SEL1L3: variants seen among roughly 807,000 people sequenced by gnomAD.
SEL1L3 encodes SEL1L family member 3, also known as protein sel-1 homolog 3.
In SEL1L3, 76 loss-of-function variants were observed where a neutral mutation model predicts 142.8. The observed-to-expected ratio is 0.53, with a 90% CI of 0.44 to 0.64. SEL1L3 has a LOEUF of 0.64. SEL1L3 is among the 30% of genes least tolerant of loss of function. SEL1L3 has a pLI of 0.00. For synonymous variants in SEL1L3, 504 were observed against 519.6 expected (o/e 0.97, Z 0.41); for missense variants, 1,262 against 1,381.7 (o/e 0.91, Z 1.37).
intron 12 of SEL1L3, among the ~76,000 whole-genome samples, chr4:25,789,770 G>T (rs1252518893): frequency 6.6e-6 from 1 of 152,072 alleles, no homozygotes; most frequent in African/African-American, 2.4e-5. Flanking sequence ...TGGGAAGGAG[G>T]CTTCCTCCTG....
At chr4:25,725,960 T>A in the SEL1L3 span, among the ~76,000 whole-genome samples, 2 of 152,142 alleles carry the variant, frequency 1.3e-5, no homozygotes, top group Non-Finnish European at 2.9e-5. Context: ...ATCAGCAGCG[T>A]CCTCGTGACC....
At chr4:25,749,576 C>A (rs1664312185) in intron 23 of SEL1L3, among the ~76,000 whole-genome samples, 2 of 152,188 alleles carry the variant, frequency 1.3e-5, no homozygotes, top group African/African-American at 4.8e-5. Flanking sequence ...TTTAAAGTGG[C>A]CTCTTTGTCT....
In SEL1L3 at chr4:25,830,078, A is replaced by C. The variant is rs756746366; in HGVS notation, c.1157+20T>G. The C allele has an allele frequency of 1.6e-5, 26 of 1,581,722 alleles. No individual in the cohort carries two copies. The highest frequency in any genetic ancestry group is 2.2e-5 in the Non-Finnish European group (25 of 1,151,812). ...CTCGCATGCAGGCAAATTTTGAATA[A>C]AAAGAAAAATCGCACTTACCTAATG... On this transcript the variant is annotated intron_variant, in intron 6 of 23. Transcript: ENST00000399878.
At chr4:25,829,183 G>C (rs777140022) in intron 6 of SEL1L3, among the ~76,000 whole-genome samples, 3 of 152,150 alleles carry the variant, frequency 2.0e-5, no homozygotes, top group Non-Finnish European at 4.4e-5. Flanking sequence ...ATGTTGCCCA[G>C]GCTGGTCTCA....
rs146311454 is a variant in SEL1L3 at position 25,849,909 on chromosome 4, T to C, written c.163-2045A>G. Among the ~76,000 whole-genome samples, 215 of 152,248 alleles carry C rather than the reference T, an allele frequency of 1.4e-3. 2 individuals carry two copies. The highest frequency in any genetic ancestry group is 5.0e-3 in the African/African-American group (208 of 41,546). On this transcript the variant is annotated intron_variant, in intron 1 of 23. Transcript: ENST00000399878. ...AACTGTAAACAAGCCCAAGGGTGCA[T>C]AGCACTGAGAGAGAATAATTCTAAC...
Position 25,767,535 on chromosome 4 carries a change from A to T in SEL1L3, c.2835T>A (p.Ala945=). The change falls in exon 19 of 24, where the codon GCT becomes GCA. Residue 945 remains alanine, a synonymous_variant. Coordinates refer to ENST00000399878, the MANE Select transcript of SEL1L3 (RefSeq NM_015187.5). ...YYNFSVFQID[A]PSFAYLKMGD... is the part of the protein sequence containing the mutation. ...TTTTTCTATACATACCAAAGGAAGG[A>T]GCATCGATTTGAAAAACAGAGAAAT... 6.4e-7 allele frequency: 1 copy of T among 1,573,092 alleles called. No homozygotes were observed. The highest frequency in any genetic ancestry group is 1.1e-5 in the South Asian group (1 of 87,780).
chr4:25,790,345 A>G, intron 12 of SEL1L3, 110 bp downstream of exon 12: 1 of 1,061,916 alleles, frequency 9.4e-7, no homozygotes, highest in Non-Finnish European at 1.4e-6. Flanking sequence ...TGAGTGAGAA[A>G]TAAACTGGCA....
intron 8 of SEL1L3, 125 bp downstream of exon 8, chr4:25,819,683 T>C: frequency 1.2e-6 from 1 of 835,108 alleles, no homozygotes; most frequent in South Asian, 2.0e-5. Context: ...AAGGTCACAC[T>C]TGTCCCATCT....
At chr4:25,854,030 A>T (rs528864373) in intron 1 of SEL1L3, among the ~76,000 whole-genome samples, 12 of 152,150 alleles carry the variant, frequency 7.9e-5, no homozygotes, top group Non-Finnish European at 1.6e-4. Context: ...GTGGCTTGAA[A>T]TTTGTGGTTC....
intron 17 of SEL1L3, among the ~76,000 whole-genome samples, chr4:25,772,706 G>A (rs1719312415): frequency 6.6e-6 from 1 of 152,180 alleles, no homozygotes; most frequent in Non-Finnish European, 1.5e-5. Context: ...TCATTAACAA[G>A]AGAACTGGGA....
At chr4:25,734,667 C>T in the SEL1L3 span, among the ~76,000 whole-genome samples, 1 of 152,070 alleles carries the variant, frequency 6.6e-6, no homozygotes, top group African/African-American at 2.4e-5. Context: ...CTCCCGGATC[C>T]AAGTGATTCT....
At chr4:25,851,402 C>CCA (rs946232320) in intron 1 of SEL1L3, among the ~76,000 whole-genome samples, 33 of 152,052 alleles carry the variant, frequency 2.2e-4, no homozygotes, top group African/African-American at 7.7e-4. Flanking sequence ...CACACTCACA[C>CCA]CACACACACA....
the SEL1L3 span, among the ~76,000 whole-genome samples, chr4:25,731,018 G>A: frequency 3.9e-5 from 6 of 152,144 alleles, no homozygotes; most frequent in South Asian, 2.1e-4. Context: ...GCAACAGAGC[G>A]AGACTCTGTC....
In SEL1L3 at chr4:25,847,810, T is replaced by C; in HGVS notation, c.217A>G (p.Lys73Glu). ...TTGTAAGCCACGCTCTGCTCAGCTT[T>C]GGGTATCACTGATGTCGTCAGGGAA... is the stretch of plus-strand genomic sequence containing the variant. The part of the protein sequence containing the change: ...QTSLTTSVIP[K>E]AEQSVAYKDF... Residue 73 changes from lysine (K) to glutamate (E), a missense_variant, in exon 2 of 24, where the codon AAA becomes GAA. Physicochemically the swap from Lys to Glu is moderately conservative, Grantham distance 56 (BLOSUM62 1). This residue lies in a region of SEL1L3 where 689 missense variants were observed against 692.8 expected (regional missense o/e 0.99). Coordinates refer to ENST00000399878, the MANE Select transcript of SEL1L3 (RefSeq NM_015187.5). 1 of 1,608,584 alleles carries C rather than the reference T, an allele frequency of 6.2e-7. No homozygotes were observed.
chr4:25,836,560 G>A (rs143496566), intron 2 of SEL1L3, among the ~76,000 whole-genome samples: 122 of 152,290 alleles, frequency 8.0e-4, no homozygotes, highest in Non-Finnish European at 1.2e-4. Context: ...GCTGAGGCGA[G>A]AGAATTGCTT....
At chr4:25,724,606 G>A in the SEL1L3 span, among the ~76,000 whole-genome samples, 5 of 151,434 alleles carry the variant, frequency 3.3e-5, no homozygotes, top group Middle Eastern at 3.4e-3. Flanking sequence ...GGGTGTGGTG[G>A]TGGGCACCTG....
At chr4:25,835,845 A>C (rs577320589) in intron 2 of SEL1L3, among the ~76,000 whole-genome samples, 2 of 152,362 alleles carry the variant, frequency 1.3e-5, no homozygotes, top group Admixed American at 1.3e-4. Flanking sequence ...CCAAAATAGT[A>C]AGTAATATTT....
At chr4:25,789,769 G>A (rs187368311) in intron 12 of SEL1L3, among the ~76,000 whole-genome samples, 2 of 152,162 alleles carry the variant, frequency 1.3e-5, no homozygotes, top group African/African-American at 2.4e-5. Flanking sequence ...ATGGGAAGGA[G>A]GCTTCCTCCT....
chr4:25,835,039 G>A (rs1411842519), intron 3 of SEL1L3, among the ~76,000 whole-genome samples, 158 bp downstream of exon 3: 1 of 152,148 alleles, frequency 6.6e-6, no homozygotes. Context: ...AGGTTTTCAG[G>A]TCCACCAATT....
Sources: allele counts gnomAD v4.1 joint callset (sites outside exome capture counted in the v4.1 genomes callset), GRCh38; gene constraint gnomAD v4.1.1; regional missense constraint gnomAD v4.1.1; transcripts MANE v1.5; gene names NCBI Gene and HGNC (gene_info 2026-07-23, HGNC 2026-07-21).